PIK3R3: variants seen among roughly 807,000 people sequenced by gnomAD.
The protein encoded by PIK3R3 is phosphatidylinositol 3-kinase regulatory subunit gamma.
A neutral mutation model predicts 62.9 loss-of-function variants in PIK3R3; 64 were observed. The ratio of observed to expected loss-of-function variants is 1.02; its 90% CI spans 0.83 to 1.25. The LOEUF is 1.25. PIK3R3 is among the 50% of genes most tolerant of loss of function. The probability of loss-of-function intolerance (pLI) is 0.00; values close to 1 mark genes in which losing one functional copy is unlikely to be tolerated. For missense variants in PIK3R3, 614 were observed against 561.6 expected, an observed-to-expected ratio of 1.09 and a Z score of -0.94; for synonymous variants, 165 against 189.0, an observed-to-expected ratio of 0.87 and a Z score of 1.04.
In PIK3R3 at chr1:46,075,091, G is replaced by A. The variant is rs140050484; in HGVS notation, c.314+2424C>T. Among the ~76,000 whole-genome samples, 1,140 of 152,198 alleles carry A rather than the reference G, an allele frequency of 7.5e-3. 18 individuals are homozygous for A. The highest frequency in any genetic ancestry group is 0.026 in the African/African-American group (1,073 of 41,524). On this transcript the variant is annotated intron_variant, in intron 3 of 9. Transcript: ENST00000262741. ...TAGAAAACCTTGGTTTTCTACAAACGTTTGACAGTATCAAATACAGGGTTG... is the reference window on the plus strand; with the variant it reads ...TAGAAAACCTTGGTTTTCTACAAACATTTGACAGTATCAAATACAGGGTTG...
chr1:46,102,734 A>G (rs959244335), intron 1 of PIK3R3, among the ~76,000 whole-genome samples: 2 of 145,036 alleles, frequency 1.4e-5, no homozygotes, highest in African/African-American at 5.1e-5. Context: ...AACAGTATGG[A>G]GGTTCCTCAA....
At chr1:46,054,397 CAAAAAAAA>C (rs10649671) in intron 7 of PIK3R3, among the ~76,000 whole-genome samples, 4 of 80,048 alleles carry the variant, frequency 5.0e-5, no homozygotes, top group Non-Finnish European at 6.8e-5. Context: ...CTCCGCCTCA[CAAAAAAAA>C]AAAAAAAAAA....
rs1348060767 is a variant in PIK3R3 at position 46,044,864 on chromosome 1, C to A, written c.1188-993G>T. Among the ~76,000 whole-genome samples, 1 of 152,210 alleles carries A rather than the reference C, an allele frequency of 6.6e-6. No homozygotes were observed. Among genetic ancestry groups the A allele is most frequent in the African/African-American group, 2.4e-5 (1 of 41,458 alleles). ...CAATAGAAAAATGTGGGTTTTGAAA[C>A]CAGGTAAACTTGGATTCAAACTCTG... On this transcript the variant is annotated intron_variant, in intron 9 of 9. Coordinates refer to ENST00000262741, the MANE Select transcript of PIK3R3 (RefSeq NM_003629.4). The surrounding 1 kb of genome is among the most constrained non-coding windows in gnomAD (Gnocchi z 4.2).
intron 8 of PIK3R3, 82 bp from the exon 9 acceptor site, chr1:46,046,170 T>A (rs1647111979): frequency 3.6e-6 from 3 of 839,852 alleles, no homozygotes; most frequent in East Asian, 5.4e-5. Flanking sequence ...CTCTTCTAAA[T>A]CTTTAAACCA....
the PIK3R3 span, among the ~76,000 whole-genome samples, chr1:46,141,608 T>C: frequency 6.6e-6 from 1 of 152,194 alleles, no homozygotes; most frequent in Non-Finnish European, 1.5e-5. Flanking sequence ...AGAGATCATA[T>C]AATTTTAGAA....
Position 46,043,794 on chromosome 1 carries a change from T to C in PIK3R3, c.1265A>G (p.Tyr422Cys), listed in dbSNP as rs1006472741. 2 of 1,614,006 alleles carry C rather than the reference T, an allele frequency of 1.2e-6. No individual in the cohort carries two copies. The highest frequency in any genetic ancestry group is 1.3e-5 in the African/African-American group (1 of 74,930). ...GYGFAEPYNL[Y>C]SSLKELVLHY... The stretch of plus-strand genomic sequence containing the variant: ...GAGCACTAGCTCCTTCAGAGAGCTG[T>C]ACAGGTTGTAGGGCTCTGCAAAGCC... Residue 422 changes from tyrosine to cysteine, a missense_variant, in exon 10 of 10, where the codon TAC becomes TGC. By Grantham distance (194) the Tyr-to-Cys change is radical. Transcript: ENST00000262741.
chr1:46,056,006 G>T (rs1345619771), intron 6 of PIK3R3, 35 bp from the exon 7 acceptor site: 9 of 1,432,580 alleles, frequency 6.3e-6, no homozygotes, highest in Non-Finnish European at 8.6e-6. Flanking sequence ...GGCTAAAATA[G>T]AAATCAAGCA....
chr1:46,091,633 T>C (rs985752519), intron 1 of PIK3R3, among the ~76,000 whole-genome samples: 11 of 152,080 alleles, frequency 7.2e-5, no homozygotes, highest in African/African-American at 2.7e-4. Flanking sequence ...ATTGTAATAA[T>C]CTCCACTCTT....
Position 46,080,634 on chromosome 1 carries a change from C to G in PIK3R3, c.215+8G>C, listed in dbSNP as rs1238523530. On this transcript the variant is annotated splice_region_variant and intron_variant, in intron 2 of 9. Coordinates refer to ENST00000262741, the MANE Select transcript of PIK3R3 (RefSeq NM_003629.4). ...AACTGCATTCAATTACAGTAGCATT[C>G]TAGTTACCTTGAAATATCCCCCCAG... 1.3e-6 allele frequency: 2 copies of G among 1,532,274 alleles called. No individual in the cohort carries two copies. The highest frequency in any genetic ancestry group is 2.3e-5 in the South Asian group (2 of 87,536). The allele number at this position is 1,532,274 out of a possible 1,614,324, so 94.9% of individuals were successfully genotyped here.
At chr1:46,065,872 G>A (rs981710725) in intron 5 of PIK3R3, among the ~76,000 whole-genome samples, 182 bp downstream of exon 5, 1 of 152,172 alleles carries the variant, frequency 6.6e-6, no homozygotes, top group Non-Finnish European at 1.5e-5. Flanking sequence ...AATATTAACT[G>A]ATACAAATTA....
intron 4 of PIK3R3, 25 bp from the exon 5 acceptor site, chr1:46,066,204 A>G: frequency 1.4e-6 from 2 of 1,478,002 alleles, no homozygotes; most frequent in Non-Finnish European, 1.9e-6. Context: ...AAAAAAATAA[A>G]GAATGTTAAC....
chr1:46,072,928 G>A (rs1649677749), intron 3 of PIK3R3, among the ~76,000 whole-genome samples: 1 of 149,574 alleles, frequency 6.7e-6, no homozygotes, highest in Admixed American at 6.8e-5. Flanking sequence ...GACAGAGAGA[G>A]ACCCTGTCTC....
chr1:46,171,864 C>T, the PIK3R3 span, among the ~76,000 whole-genome samples: 1 of 152,120 alleles, frequency 6.6e-6, no homozygotes, highest in Non-Finnish European at 1.5e-5. Context: ...GTTCTCTTCA[C>T]GGTCCAAAGG....
chr1:46,171,970 C>T, the PIK3R3 span, among the ~76,000 whole-genome samples: 3 of 152,066 alleles, frequency 2.0e-5, no homozygotes, highest in Non-Finnish European at 2.9e-5. Context: ...CCAGGAGCAG[C>T]CTGGACCTTC....
chr1:46,079,697 T>C (rs1309681688), intron 2 of PIK3R3, among the ~76,000 whole-genome samples: 2 of 152,174 alleles, frequency 1.3e-5, no homozygotes, highest in Non-Finnish European at 2.9e-5. Flanking sequence ...CTTACACCTG[T>C]AATCCCAGCA....
intron 1 of PIK3R3, among the ~76,000 whole-genome samples, chr1:46,130,500 C>G (rs1655487815): frequency 6.6e-6 from 1 of 151,540 alleles, no homozygotes; most frequent in Admixed American, 6.6e-5. Flanking sequence ...AAGTGATCAT[C>G]AAGAGTGAAA....
intron 7 of PIK3R3, among the ~76,000 whole-genome samples, chr1:46,054,036 C>G (rs1225831387): frequency 6.6e-6 from 1 of 152,136 alleles, no homozygotes; most frequent in East Asian, 1.9e-4. Flanking sequence ...CTAAAATGAT[C>G]TCTTGAGAGA....
At chr1:46,121,961 T>C (rs1654716500) in intron 1 of PIK3R3, among the ~76,000 whole-genome samples, 1 of 151,968 alleles carries the variant, frequency 6.6e-6, no homozygotes, top group East Asian at 1.9e-4. Flanking sequence ...ATTAGCCAGG[T>C]GTGGTGGTGC....
Position 46,062,078 on chromosome 1 carries a change from G to A in PIK3R3, c.622-7C>T, listed in dbSNP as rs754019873. ...TCCTCTTCATCTGTATTTCCTACAG[G>A]AGAGAAAAAGAAAAAACACAGGCTT... On this transcript the variant is annotated splice_polypyrimidine_tract_variant and splice_region_variant and intron_variant, in intron 5 of 9. Transcript: ENST00000262741. 3 of 1,579,878 alleles carry A rather than the reference G, an allele frequency of 1.9e-6. No individual in the cohort carries two copies. Among genetic ancestry groups the A allele is most frequent in the Admixed American group, 2.0e-5 (1 of 49,502 alleles).
Sources: gnomAD v4.1 joint callset for allele counts (sites outside exome capture counted in the v4.1 genomes callset) on GRCh38, gnomAD v4.1.1 for gene constraint, Gnocchi (gnomAD v3.1) non-coding constraint, MANE v1.5 for transcripts, NCBI Gene and HGNC (gene_info 2026-07-23, HGNC 2026-07-21) for gene names.